VEGFC: variants seen among roughly 807,000 people sequenced by gnomAD.
The protein encoded by VEGFC is vascular endothelial growth factor C.
A neutral mutation model predicts 46.1 loss-of-function variants in VEGFC; 12 were observed. The ratio of observed to expected loss-of-function variants is 0.26; its 90% CI spans 0.17 to 0.42. The LOEUF is 0.42. VEGFC is among the 10% of genes least tolerant of loss of function. The pLI is 1.00. For missense variants in VEGFC, 488 were observed against 529.4 expected, an observed-to-expected ratio of 0.92 and a Z score of 0.77; for synonymous variants, 232 against 195.5, an observed-to-expected ratio of 1.19 and a Z score of -1.56.
intron 4 of VEGFC, among the ~76,000 whole-genome samples, chr4:176,698,280 T>C (rs899003223): frequency 2.6e-5 from 4 of 152,008 alleles, no homozygotes; most frequent in Non-Finnish European, 4.4e-5. Context: ...TGGAGATTTC[T>C]TGACTCCTCA....
rs1274110661 is a variant in VEGFC at position 176,772,224 on chromosome 4, T to C, written c.147+19941A>G. On this transcript the variant is annotated intron_variant, in intron 1 of 6. Coordinates refer to ENST00000618562, the MANE Select transcript of VEGFC (RefSeq NM_005429.5). The stretch of plus-strand genomic sequence containing the variant: ...TGACATTATTTAATTGGTCTTACAC[T>C]GAAATCGACACTACTCAAATACTTT... 2.0e-5 allele frequency among the ~76,000 whole-genome samples: 3 copies of C among 152,200 alleles called. No homozygotes were observed. The East Asian group carries it at 5.8e-4, about 29-fold the overall frequency.
intron 1 of VEGFC, among the ~76,000 whole-genome samples, chr4:176,773,092 T>C (rs1013429784): frequency 4.6e-5 from 7 of 152,204 alleles, no homozygotes; most frequent in African/African-American, 1.7e-4. Flanking sequence ...AGGGCAAATC[T>C]ACTGGGGATT....
intron 1 of VEGFC, among the ~76,000 whole-genome samples, chr4:176,735,484 A>G (rs1319685026): frequency 6.6e-6 from 1 of 151,934 alleles, no homozygotes; most frequent in Non-Finnish European, 1.5e-5. Flanking sequence ...GAAGAAGACA[A>G]AAAAATTACT....
In VEGFC at chr4:176,727,791, T is replaced by C. The variant is rs1333510063; in HGVS notation, c.539A>G (p.Tyr180Cys). The C allele has an allele frequency of 6.2e-7, 1 of 1,613,288 alleles. No individual in the cohort carries two copies. Among genetic ancestry groups the C allele is most frequent in the Non-Finnish European group, 8.5e-7 (1 of 1,179,470 alleles). The change falls in exon 3 of 7, where the codon TAC (tyrosine) becomes TGC (cysteine). Residue 180 changes from tyrosine to cysteine, a missense_variant. Coordinates refer to ENST00000618562, the MANE Select transcript of VEGFC (RefSeq NM_005429.5). ...GLQCMNTSTS[Y>C]LSKTLFEITV... ...GGCAATACCCACCGTCTTGCTGAGG[T>C]AGCTCGTGCTGGTGTTCATGCACTG...
At chr4:176,733,363 T>C (rs1734999785) in intron 1 of VEGFC, among the ~76,000 whole-genome samples, 1 of 151,986 alleles carries the variant, frequency 6.6e-6, no homozygotes, top group Non-Finnish European at 1.5e-5. Context: ...ACCCAAATGT[T>C]CTTTAGCTGG....
intron 4 of VEGFC, among the ~76,000 whole-genome samples, chr4:176,699,509 C>T (rs1027736109): frequency 3.9e-5 from 6 of 152,114 alleles, no homozygotes; most frequent in Non-Finnish European, 4.4e-5. Flanking sequence ...CCCTTCTTGC[C>T]CAAGCTTTCT....
chr4:176,792,252 C>T lies in VEGFC; in HGVS notation c.60G>A (p.Pro20=). ...CGGCGGCGGGCGCCTCGCGAGGACC[C>T]GGGAGCAGCGCAGCGGCGAGCAGAG... ...ACSLLAAALL[P]GPREAPAAAA... The change falls in exon 1 of 7, where the codon CCG becomes CCA. Residue 20 remains proline, a synonymous_variant. Coordinates refer to ENST00000618562, the MANE Select transcript of VEGFC (RefSeq NM_005429.5). This position sits in a 1 kb window ranked among gnomAD's most constrained non-coding sequence, Gnocchi z 6.3. The T allele has an allele frequency of 1.9e-6, 3 of 1,554,292 alleles. No homozygotes were observed. The highest frequency in any genetic ancestry group is 1.2e-5 in the South Asian group (1 of 85,906).
chr4:176,695,957 T>A (rs576149354), intron 4 of VEGFC, among the ~76,000 whole-genome samples: 148 of 149,024 alleles, frequency 9.9e-4, no homozygotes, highest in South Asian at 7.8e-3. Context: ...AAACTCTCAA[T>A]AAATTAGGTA....
Position 176,791,489 on chromosome 4 carries a change from GA to G in VEGFC, c.147+675del, listed in dbSNP as rs879574339. On this transcript the variant is annotated intron_variant, in intron 1 of 6. Transcript: ENST00000618562. ...CAAAACAAACAAAAAACCCAAACAAGAAAAAAAAAAACTTAGTTTGCAGTAT... is the reference window on the plus strand; with the variant it reads ...CAAAACAAACAAAAAACCCAAACAAGAAAAAAAAAACTTAGTTTGCAGTAT... Among the ~76,000 whole-genome samples, 34 of 146,072 alleles carry G rather than the reference GA, an allele frequency of 2.3e-4. 1 individual carries two copies. The East Asian group carries it at 3.3e-3, about 14-fold the overall frequency.
At chr4:176,701,055 C>T (rs1190437007) in intron 4 of VEGFC, among the ~76,000 whole-genome samples, 15 of 152,118 alleles carry the variant, frequency 9.9e-5, no homozygotes, top group Admixed American at 9.8e-4. Context: ...TCAAAATCCA[C>T]AGAACTTACA....
chr4:176,692,701 T>G (rs1352594878), intron 4 of VEGFC, among the ~76,000 whole-genome samples: 1 of 149,070 alleles, frequency 6.7e-6, no homozygotes, highest in Non-Finnish European at 1.5e-5. Flanking sequence ...AAGACAGAAG[T>G]AACTTCTGCA....
intron 4 of VEGFC, among the ~76,000 whole-genome samples, chr4:176,696,864 A>C (rs927195688): frequency 3.3e-5 from 5 of 152,190 alleles, no homozygotes; most frequent in Non-Finnish European, 5.9e-5. Context: ...GACAAACCTG[A>C]GAAAAACAAG....
intron 4 of VEGFC, among the ~76,000 whole-genome samples, chr4:176,702,948 G>A (rs1405813045): frequency 6.6e-6 from 1 of 152,058 alleles, no homozygotes; most frequent in Non-Finnish European, 1.5e-5. Context: ...GAGAAAAAAA[G>A]TAATGCCAAC....
At chr4:176,692,415 CAAA>C (rs754971358) in intron 4 of VEGFC, among the ~76,000 whole-genome samples, 1 of 123,032 alleles carries the variant, frequency 8.1e-6, no homozygotes, top group Non-Finnish European at 1.6e-5. Context: ...AACAAACAAA[CAAA>C]AAAAAAACAA....
intron 3 of VEGFC, among the ~76,000 whole-genome samples, chr4:176,717,149 G>A (rs1038608693): frequency 6.6e-6 from 1 of 151,798 alleles, no homozygotes; most frequent in Non-Finnish European, 1.5e-5. Flanking sequence ...GTCCAATGTA[G>A]GACACAAAAA....
At chr4:176,720,348 C>A (rs1401824234) in intron 3 of VEGFC, among the ~76,000 whole-genome samples, 1 of 152,098 alleles carries the variant, frequency 6.6e-6, no homozygotes, top group Non-Finnish European at 1.5e-5. Context: ...TACATCAAAC[C>A]TTCTGGTATC....
At chr4:176,751,732 T>TAA (rs202122127) in intron 1 of VEGFC, among the ~76,000 whole-genome samples, 1 of 150,758 alleles carries the variant, frequency 6.6e-6, no homozygotes, top group Non-Finnish European at 1.5e-5. Flanking sequence ...TGTGTAAACG[T>TAA]AAAAAAAAAG....
At chr4:176,698,155 T>G (rs1354853005) in intron 4 of VEGFC, among the ~76,000 whole-genome samples, 2 of 150,364 alleles carry the variant, frequency 1.3e-5, no homozygotes, top group African/African-American at 2.4e-5. Flanking sequence ...AAAATAATAA[T>G]AATAATAATA....
At chr4:176,752,559 CTT>C (rs1735358962) in intron 1 of VEGFC, among the ~76,000 whole-genome samples, 1 of 152,070 alleles carries the variant, frequency 6.6e-6, no homozygotes, top group Non-Finnish European at 1.5e-5. Flanking sequence ...ACGGAAATGT[CTT>C]TGAGTGAGTC....
Sources: gnomAD v4.1 joint callset for allele counts (sites outside exome capture counted in the v4.1 genomes callset) on GRCh38, gnomAD v4.1.1 for gene constraint, Gnocchi (gnomAD v3.1) non-coding constraint, MANE v1.5 for transcripts, NCBI Gene and HGNC (gene_info 2026-07-23, HGNC 2026-07-21) for gene names.